The following LDHB variants were observed in gnomAD, a reference collection of about 807,000 sequenced individuals.
LDHB encodes the protein lactate dehydrogenase B, also known as L-lactate dehydrogenase B chain.
In LDHB, 18 loss-of-function variants were observed where a neutral mutation model predicts 33.4. The observed-to-expected ratio is 0.54, with a 90% CI of 0.37 to 0.80. The LOEUF (loss-of-function observed/expected upper bound fraction) is 0.80, where lower values mean the gene tolerates loss of function less well. Among genes scored for constraint, LDHB ranks in the 30% least tolerant of loss-of-function variants. The pLI is 0.00. For synonymous variants in LDHB, 121 were observed against 140.6 expected (o/e 0.86, Z 0.98); for missense variants, 345 against 407.9 (o/e 0.85, Z 1.33).
At chr12:21,639,160 C>T (rs1650291) in intron 5 of LDHB, among the ~76,000 whole-genome samples, 143,687 of 152,032 alleles carry the variant, frequency 0.95, 68,402 homozygotes, top group East Asian at 1. Context: ...CCTATTAGTC[C>T]ACAACTTCTG....
intron 1 of LDHB, among the ~76,000 whole-genome samples, chr12:21,656,752 C>A (rs780692288): frequency 4.0e-4 from 61 of 152,084 alleles, no homozygotes; most frequent in Non-Finnish European, 1.9e-4. Context: ...GATATACAGG[C>A]CTGTGCCAAC....
intron 7 of LDHB, among the ~76,000 whole-genome samples, chr12:21,636,460 T>C (rs1938220038): frequency 6.6e-6 from 1 of 152,066 alleles, no homozygotes; most frequent in South Asian, 2.1e-4. Flanking sequence ...TTAATGTCAG[T>C]TTTTAAACTT....
rs1938392315 is a variant in LDHB, at chr12:21,642,108, C to T, written c.439G>A (p.Val147Ile). The T allele has an allele frequency of 3.1e-6, 5 of 1,613,040 alleles. No individual in the cohort carries two copies. Among genetic ancestry groups the T allele is most frequent in the Non-Finnish European group, 4.2e-6 (5 of 1,179,234 alleles). Residue 147 changes from valine to isoleucine, a missense_variant, in exon 5 of 8, where the codon GTT becomes ATT. Coordinates refer to ENST00000350669, the MANE Select transcript of LDHB (RefSeq NM_002300.8). ...GGTAATCCACTTAGTTTCCAGGTAA[C>T]ATACGTAAGAATGTCCACTAAAAAT... Reference protein sequence around the residue: ...VSNPVDILTYVTWKLSGLPKH... With the variant: ...VSNPVDILTYITWKLSGLPKH...
intron 1 of LDHB, among the ~76,000 whole-genome samples, chr12:21,655,882 T>C (rs1389872436): frequency 6.6e-6 from 1 of 152,228 alleles, no homozygotes; most frequent in Non-Finnish European, 1.5e-5. Flanking sequence ...TCCATGGCAA[T>C]TTATAGTACA....
intron 3 of LDHB, 117 bp downstream of exon 3, chr12:21,646,782 C>T: frequency 1.4e-6 from 1 of 734,584 alleles, no homozygotes; most frequent in South Asian, 1.5e-5. Context: ...ATAACTGTTC[C>T]AAAACTTCAA....
intron 5 of LDHB, among the ~76,000 whole-genome samples, chr12:21,638,718 T>C (rs572790711): frequency 5.3e-5 from 8 of 152,100 alleles, no homozygotes; most frequent in East Asian, 1.9e-4. Context: ...TGCTGTGTCA[T>C]AGTTACAGAG....
chr12:21,643,909 C>G, intron 4 of LDHB, 26 bp downstream of exon 4: 1 of 1,541,338 alleles, frequency 6.5e-7, no homozygotes, highest in South Asian at 1.1e-5. Flanking sequence ...CTTAACAGAA[C>G]AGAGACTTAA....
intron 2 of LDHB, among the ~76,000 whole-genome samples, chr12:21,649,142 ACT>A (rs1938609782): frequency 6.6e-6 from 1 of 152,158 alleles, no homozygotes; most frequent in Admixed American, 6.5e-5. Context: ...TGGGAATATC[ACT>A]CTTATTTTAG....
chr12:21,651,177 T>A (rs1261292824), intron 2 of LDHB, among the ~76,000 whole-genome samples: 1 of 152,248 alleles, frequency 6.6e-6, no homozygotes, highest in Non-Finnish European at 1.5e-5. Context: ...CTGGCAGGTC[T>A]GCTGCCTTGG....
chr12:21,643,319 A>G (rs976576577), intron 4 of LDHB, among the ~76,000 whole-genome samples: 7 of 152,254 alleles, frequency 4.6e-5, no homozygotes, highest in Non-Finnish European at 1.0e-4. Flanking sequence ...TAAAAGCAGT[A>G]TATCAAATAG....
In LDHB at chr12:21,644,013, C is replaced by G; in HGVS notation, c.343G>C (p.Val115Leu). The G allele has an allele frequency of 6.2e-7, 1 of 1,612,136 alleles. No homozygotes were observed. Among genetic ancestry groups the G allele is most frequent in the Non-Finnish European group, 8.5e-7 (1 of 1,178,224 alleles). The change falls in exon 4 of 8, where the codon GTT (valine) becomes CTT (leucine). Residue 115 changes from valine to leucine, a missense_variant. Transcript: ENST00000350669. Reference sequence around the variant, plus strand: ...GGAATAATGAATTTGAAGACATTAACATTTCTCTGCACCAGATTGAGCCGA... The same window carrying G: ...GGAATAATGAATTTGAAGACATTAAGATTTCTCTGCACCAGATTGAGCCGA... Reference protein sequence around the residue: ...ESRLNLVQRNVNVFKFIIPQI... With the variant: ...ESRLNLVQRNLNVFKFIIPQI...
chr12:21,639,836 G>C (rs1355038846), intron 5 of LDHB, among the ~76,000 whole-genome samples: 1 of 151,550 alleles, frequency 6.6e-6, no homozygotes, highest in Admixed American at 6.6e-5. Flanking sequence ...ATTCAGATGA[G>C]TCCCTGGAGG....
intron 1 of LDHB, among the ~76,000 whole-genome samples, chr12:21,655,683 C>T (rs1938824014): frequency 6.6e-6 from 1 of 152,154 alleles, no homozygotes; most frequent in African/African-American, 2.4e-5. Flanking sequence ...CTATCAGTCT[C>T]TGAAACAGTT....
At chr12:21,655,135 A>G (rs1456088372) in intron 1 of LDHB, among the ~76,000 whole-genome samples, 3 of 151,922 alleles carry the variant, frequency 2.0e-5, no homozygotes. Context: ...AAAAAAGAAA[A>G]AAAAGAACCA....
intron 7 of LDHB, among the ~76,000 whole-genome samples, chr12:21,636,359 A>T (rs576635883): frequency 5.9e-5 from 9 of 152,042 alleles, no homozygotes; most frequent in Non-Finnish European, 1.0e-4. Context: ...AAAAAAAAAA[A>T]AATACAATTT....
intron 5 of LDHB, among the ~76,000 whole-genome samples, chr12:21,641,620 C>T (rs78010089): frequency 0.018 from 2,699 of 152,186 alleles, 50 homozygotes; most frequent in Non-Finnish European, 0.025. Context: ...AATATTGTTT[C>T]AGGGTTACAT....
intron 3 of LDHB, among the ~76,000 whole-genome samples, chr12:21,646,607 G>A (rs1233122750): frequency 6.6e-6 from 1 of 152,154 alleles, no homozygotes; most frequent in Non-Finnish European, 1.5e-5. Context: ...CCATTAATAA[G>A]TGAATATAAA....
chr12:21,644,453 A>AAAAAAAAAAACAAAAAAAAAAAACC, intron 3 of LDHB, among the ~76,000 whole-genome samples: 1 of 113,140 alleles, frequency 8.8e-6, no homozygotes. Context: ...AAACAAAAAC[A>AAAAAAAAAAACAAAAAAAAAAAACC]AAAACCAATT....
intron 6 of LDHB, 195 bp from the exon 7 acceptor site, chr12:21,637,389 A>G (rs1236271030): frequency 5.6e-6 from 3 of 539,452 alleles, no homozygotes; most frequent in Non-Finnish European, 9.9e-6. Flanking sequence ...AGCACTACAC[A>G]GTAAACACTA....
Sources: allele counts gnomAD v4.1 joint callset (sites outside exome capture counted in the v4.1 genomes callset), GRCh38; gene constraint gnomAD v4.1.1; transcripts MANE v1.5; gene names NCBI Gene and HGNC (gene_info 2026-07-23, HGNC 2026-07-21).